The following FAM107B variants were observed in gnomAD, a reference collection of about 807,000 sequenced individuals.
FAM107B encodes the protein protein FAM107B.
In FAM107B, 21 loss-of-function variants were observed where a neutral mutation model predicts 31.5. That is an observed-to-expected ratio of 0.67 (90% CI 0.47 to 0.96). The LOEUF is 0.96. Ranked by LOEUF, FAM107B falls within the 40% of genes least tolerant of loss-of-function variation. The pLI is 0.00. For synonymous variants in FAM107B, 157 were observed against 141.5 expected, an observed-to-expected ratio of 1.11 and a Z score of -0.78; for missense variants, 452 against 377.1, an observed-to-expected ratio of 1.20 and a Z score of -1.64.
At chr10:14,669,367 CAAAAA>C (rs34544529) in intron 1 of FAM107B, among the ~76,000 whole-genome samples, 2 of 119,302 alleles carry the variant, frequency 1.7e-5, no homozygotes, top group Non-Finnish European at 3.3e-5. Context: ...GAGACTCTGT[CAAAAA>C]AAAAAAAAAA....
At chr10:14,579,608 C>T (rs1268139583) in intron 2 of FAM107B, among the ~76,000 whole-genome samples, 1 of 152,176 alleles carries the variant, frequency 6.6e-6, no homozygotes, top group East Asian at 1.9e-4. Flanking sequence ...AGTTGCATTA[C>T]CCAAGTAAAA....
intron 1 of FAM107B, among the ~76,000 whole-genome samples, chr10:14,701,530 C>G (rs1347527846): frequency 6.6e-6 from 1 of 152,188 alleles, no homozygotes. Flanking sequence ...TAGGCATGAG[C>G]CACCATGCCT....
intron 3 of FAM107B, 108 bp from the exon 4 acceptor site, chr10:14,522,127 T>A: frequency 7.2e-7 from 1 of 1,394,570 alleles, no homozygotes. Context: ...GTCTACAAAA[T>A]TAGTATGATA....
At chr10:14,724,138 A>G (rs191893571) in intron 1 of FAM107B, 1 of 521,848 alleles carries the variant, frequency 1.9e-6, no homozygotes, top group Non-Finnish European at 3.5e-6. Flanking sequence ...GAAAGGCTGC[A>G]TGTATCTTCT....
rs553176680 is a variant in FAM107B at position 14,683,334 on chromosome 10, G to A, written c.412-15643C>T. ...AGGATAGGTGGTTCAGTTCTGCAAC[G>A]GAATGAGTGATTGTTCCACACCGTT... On this transcript the variant is annotated intron_variant, in intron 1 of 4. Coordinates refer to ENST00000181796, the MANE Select transcript of FAM107B (RefSeq NM_031453.4). Among the ~76,000 whole-genome samples, 8 of 152,262 alleles carry A rather than the reference G, an allele frequency of 5.3e-5. No individual in the cohort carries two copies. In the South Asian group the frequency reaches 6.2e-4, roughly 12 times the overall value.
At chr10:14,595,286 G>A (rs1430433900) in intron 2 of FAM107B, among the ~76,000 whole-genome samples, 1 of 152,142 alleles carries the variant, frequency 6.6e-6, no homozygotes, top group Non-Finnish European at 1.5e-5. Context: ...CATTTCTGCA[G>A]GTACTTTCGT....
intron 2 of FAM107B, among the ~76,000 whole-genome samples, chr10:14,547,892 C>T (rs1268110602): frequency 6.6e-6 from 1 of 152,204 alleles, no homozygotes; most frequent in African/African-American, 2.4e-5. Context: ...AGGACAGGGA[C>T]ACATCTCTGT....
chr10:14,611,990 A>AAT (rs1852739059), intron 2 of FAM107B, among the ~76,000 whole-genome samples: 1 of 152,008 alleles, frequency 6.6e-6, no homozygotes, highest in African/African-American at 2.4e-5. Context: ...TATGAGTATA[A>AAT]ATATATATAC....
At chr10:14,695,467 T>C (rs1215295314) in intron 1 of FAM107B, among the ~76,000 whole-genome samples, 1 of 152,184 alleles carries the variant, frequency 6.6e-6, no homozygotes, top group Non-Finnish European at 1.5e-5. Flanking sequence ...GCTTTGGCTA[T>C]TTGGGTTCAT....
rs141443094 is a variant in FAM107B, at chr10:14,649,006, G to A, written c.469+18628C>T. Among the ~76,000 whole-genome samples the A allele has an allele frequency of 2.1e-3, 327 of 152,282 alleles. 4 individuals are homozygous for A. Among genetic ancestry groups the A allele is most frequent in the Admixed American group, 5.0e-3 (76 of 15,292 alleles). On this transcript the variant is annotated intron_variant, in intron 2 of 4. Coordinates refer to ENST00000181796, the MANE Select transcript of FAM107B (RefSeq NM_031453.4). ...ATAAACAACATGGTAGGTTTCATTCGTAAGCCAAATATAAAATTCTAAGCC... is the reference window on the plus strand; with the variant it reads ...ATAAACAACATGGTAGGTTTCATTCATAAGCCAAATATAAAATTCTAAGCC...
chr10:14,695,703 T>C (rs976052870), intron 1 of FAM107B, among the ~76,000 whole-genome samples: 1 of 152,202 alleles, frequency 6.6e-6, no homozygotes, highest in Non-Finnish European at 1.5e-5. Flanking sequence ...TCTTTCACCT[T>C]GTTGGTTAAG....
chr10:14,578,656 A>C (rs1851538458), intron 2 of FAM107B, among the ~76,000 whole-genome samples: 1 of 152,204 alleles, frequency 6.6e-6, no homozygotes, highest in African/African-American at 2.4e-5. Flanking sequence ...GAAGGCAAGA[A>C]GACCTCACCA....
intron 2 of FAM107B, among the ~76,000 whole-genome samples, chr10:14,648,405 A>C (rs768813864): frequency 4.6e-5 from 7 of 152,250 alleles, no homozygotes; most frequent in Non-Finnish European, 1.0e-4. Context: ...GCCTGTTGCT[A>C]GGGAACCACT....
intron 2 of FAM107B, among the ~76,000 whole-genome samples, chr10:14,591,112 T>A (rs979562894): frequency 1.3e-5 from 2 of 152,042 alleles, no homozygotes; most frequent in African/African-American, 4.8e-5. Context: ...TGATCTTTTA[T>A]AAGAAAAGAC....
chr10:14,767,134 G>A (rs1348456682), intron 1 of FAM107B, among the ~76,000 whole-genome samples: 6 of 122,982 alleles, frequency 4.9e-5, no homozygotes, highest in South Asian at 5.9e-4. Context: ...TCCCTCTGTC[G>A]CCCAGGCTGG....
At chr10:14,680,400 C>G (rs1854803150) in intron 1 of FAM107B, among the ~76,000 whole-genome samples, 1 of 152,002 alleles carries the variant, frequency 6.6e-6, no homozygotes, top group South Asian at 2.1e-4. Flanking sequence ...ATGGCGAAAC[C>G]TCATCTCTAC....
At chr10:14,741,179 G>T (rs1224540317) in intron 1 of FAM107B, among the ~76,000 whole-genome samples, 1 of 152,144 alleles carries the variant, frequency 6.6e-6, no homozygotes, top group Admixed American at 6.5e-5. Context: ...AGGAACCTGG[G>T]CTACAGAAAG....
chr10:14,591,380 CG>C (rs1454546175), intron 2 of FAM107B, among the ~76,000 whole-genome samples: 1 of 152,172 alleles, frequency 6.6e-6, no homozygotes, highest in Non-Finnish European at 1.5e-5. Context: ...ACCGTGCAAA[CG>C]GTAATTAACT....
intron 2 of FAM107B, among the ~76,000 whole-genome samples, chr10:14,650,961 T>A (rs1380957339): frequency 6.6e-6 from 1 of 152,210 alleles, no homozygotes; most frequent in African/African-American, 2.4e-5. Context: ...CTGAGCTACA[T>A]CCCAGAGTTC....
Sources: allele counts gnomAD v4.1 joint callset (sites outside exome capture counted in the v4.1 genomes callset), GRCh38; gene constraint gnomAD v4.1.1; transcripts MANE v1.5; gene names NCBI Gene and HGNC (gene_info 2026-07-23, HGNC 2026-07-21).